RHOT2: variants seen among roughly 807,000 people sequenced by gnomAD.
RHOT2 encodes ras homolog family member T2.
A neutral mutation model predicts 81.6 loss-of-function variants in RHOT2; 90 were observed. That is an observed-to-expected ratio of 1.10 (90% CI 0.93 to 1.31). The LOEUF is 1.31. Ranked by LOEUF, RHOT2 falls within the 40% of genes most tolerant of loss-of-function variation. The probability of loss-of-function intolerance (pLI) is 0.00; values close to 1 mark genes in which losing one functional copy is unlikely to be tolerated. For synonymous variants in RHOT2, 512 were observed against 370.9 expected (o/e 1.38, Z -4.37); for missense variants, 1,014 against 841.9 (o/e 1.20, Z -2.53).
intron 4 of RHOT2, 44 bp downstream of exon 4, chr16:668,743 C>T (rs756113027): frequency 7.8e-6 from 12 of 1,544,820 alleles, no homozygotes; most frequent in East Asian, 2.4e-5. Context: ...GGCGCGGGCT[C>T]GGCCTAATCC....
chr16:668,416 G>A lies in RHOT2; in HGVS notation c.96+5G>A, dbSNP rs1378448240. 1 of 1,523,260 alleles carries A rather than the reference G, an allele frequency of 6.6e-7. No homozygotes were observed. The highest frequency in any genetic ancestry group is 1.4e-5 in the African/African-American group (1 of 70,540). 94.4% of individuals were successfully genotyped at this position (1,523,260 alleles called of 1,614,324 possible). ...GGCGAGGAGTTCCCCGAGGAGGTAA[G>A]GGGCACGCCCGCCGCGGGGGTGGGA... On this transcript the variant is annotated splice_donor_5th_base_variant and intron_variant, in intron 2 of 18. Transcript: ENST00000315082.
In RHOT2 at chr16:672,793, A is replaced by G. The variant is rs761033640; in HGVS notation, c.1495A>G (p.Lys499Glu). ...ACLMFDGSDP[K>E]SFAHCASVYK... ...CTTGATGTTTGATGGCAGTGACCCA[A>G]AGTCCTTTGCACATTGTGCCAGCGT... Residue 499 changes from lysine (K) to glutamate (E), a missense_variant, in exon 17 of 19, where the codon AAG becomes GAG. Lys to Glu is a moderately conservative substitution (Grantham distance 56). Coordinates refer to ENST00000315082, the MANE Select transcript of RHOT2 (RefSeq NM_138769.3). 5 of 1,612,646 alleles carry G rather than the reference A, an allele frequency of 3.1e-6. No homozygotes were observed. The highest frequency in any genetic ancestry group is 1.7e-5 in the Admixed American group (1 of 60,034).
intron 9 of RHOT2, 37 bp from the exon 10 acceptor site, chr16:670,855 G>A: frequency 1.3e-6 from 2 of 1,589,196 alleles, no homozygotes; most frequent in Non-Finnish European, 1.7e-6. Context: ...GTCTCCGGGT[G>A]GCTGGCTGAC....
chr16:673,170 C>T, intron 18 of RHOT2, 40 bp downstream of exon 18: 1 of 1,591,832 alleles, frequency 6.3e-7, no homozygotes, highest in Non-Finnish European at 8.6e-7. Context: ...CTAGCAGTGT[C>T]TGTCATCCGA....
In RHOT2 at chr16:673,660, G is replaced by A. The variant is rs2039331548; in HGVS notation, c.*54G>A. 8 of 1,570,832 alleles carry A rather than the reference G, an allele frequency of 5.1e-6. No individual in the cohort carries two copies. The South Asian group carries it at 9.3e-5, about 18-fold the overall frequency. ...GACCTGGGTGTGCCTCGCTGCTGGG[G>A]CTCTGCAGGGGCAGCACAGCTGGGG... On this transcript the variant is annotated 3_prime_UTR_variant, in exon 19 of 19. Transcript: ENST00000315082.
intron 5 of RHOT2, 169 bp downstream of exon 5, chr16:669,775 CCT>C (rs779791556): frequency 1.7e-4 from 120 of 698,976 alleles, no homozygotes; most frequent in Non-Finnish European, 2.8e-4. Flanking sequence ...TCCCACTTCC[CCT>C]GAGAGGGTCT....
At chr16:671,436 C>T (rs2038916939) in intron 11 of RHOT2, 2 of 707,084 alleles carry the variant, frequency 2.8e-6, no homozygotes, top group African/African-American at 1.8e-5. Flanking sequence ...CCTTTGCCAA[C>T]CCCGCTCGCG....
At position 670,873 on chromosome 16, in the gene RHOT2, A is replaced by C; in HGVS notation, c.640-19A>C. On this transcript the variant is annotated intron_variant, in intron 9 of 18. Coordinates refer to ENST00000315082, the MANE Select transcript of RHOT2 (RefSeq NM_138769.3). The stretch of plus-strand genomic sequence containing the variant: ...TCCGGGTGGCTGGCTGACTCCCAAC[A>C]ACGTTCTCTCGGAAGCAGAAATCCT... 2 of 1,584,088 alleles carry C rather than the reference A, an allele frequency of 1.3e-6. No individual in the cohort carries two copies. The highest frequency in any genetic ancestry group is 1.1e-5 in the South Asian group (1 of 89,658).
Position 672,335 on chromosome 16 carries a change from G to A in RHOT2, c.1277G>A (p.Gly426Glu), listed in dbSNP as rs747178707. Reference protein sequence around the residue: ...VLLCKVVGARGVGKSAFLQAF... With the variant: ...VLLCKVVGAREVGKSAFLQAF... ...CTGTGCAAGGTGGTAGGGGCCCGTG[G>A]AGTGGGCAAGTCTGCCTTCCTGCAG... The change falls in exon 15 of 19, where the codon GGA (glycine) becomes GAA (glutamate). Residue 426 changes from glycine to glutamate, a missense_variant. By Grantham distance (98) the Gly-to-Glu change is moderately conservative. Transcript: ENST00000315082. 1 of 1,612,162 alleles carries A rather than the reference G, an allele frequency of 6.2e-7. No individual in the cohort carries two copies. The highest frequency in any genetic ancestry group is 1.1e-5 in the South Asian group (1 of 91,022).
chr16:670,329 A>G lies in RHOT2; in HGVS notation c.410A>G (p.Gln137Arg). The G allele has an allele frequency of 6.2e-7, 1 of 1,612,888 alleles. No homozygotes were observed. The highest frequency in any genetic ancestry group is 8.5e-7 in the Non-Finnish European group (1 of 1,179,964). ...SMEAVLPIMS[Q>R]FPEIETCVEC... is the part of the protein sequence containing the mutation. ...GAGGCCGTGCTCCCCATCATGAGCC[A>G]GTTTCCCGAGATTGAGACCTGCGTG... Residue 137 changes from glutamine (Q) to arginine (R), a missense_variant, in exon 7 of 19, where the codon CAG becomes CGG. Transcript: ENST00000315082.
Position 670,278 on chromosome 16 carries a change from C to T in RHOT2, c.359C>T (p.Ser120Leu). The stretch of plus-strand genomic sequence containing the variant: ...CCCATCATCCTAGTGGGCAACAAGT[C>T]AGACCTGCGGTCGGGGAGCTCCATG... ...RVPIILVGNKSDLRSGSSMEA... is the reference protein window; with the variant it reads ...RVPIILVGNKLDLRSGSSMEA... Residue 120 changes from serine to leucine, a missense_variant, in exon 7 of 19, where the codon TCA becomes TTA. By Grantham distance (145) the Ser-to-Leu change is moderately radical. Coordinates refer to ENST00000315082, the MANE Select transcript of RHOT2 (RefSeq NM_138769.3). 3 of 1,612,762 alleles carry T rather than the reference C, an allele frequency of 1.9e-6. No individual in the cohort carries two copies. Among genetic ancestry groups the T allele is most frequent in the Non-Finnish European group, 2.5e-6 (3 of 1,179,958 alleles).
At position 673,661 on chromosome 16, in the gene RHOT2, C is replaced by G. The variant is rs1221250021; in HGVS notation, c.*55C>G. On this transcript the variant is annotated 3_prime_UTR_variant, in exon 19 of 19. Coordinates refer to ENST00000315082, the MANE Select transcript of RHOT2 (RefSeq NM_138769.3). ...ACCTGGGTGTGCCTCGCTGCTGGGG[C>G]TCTGCAGGGGCAGCACAGCTGGGGT... The G allele has an allele frequency of 1.3e-6, 2 of 1,570,452 alleles. No homozygotes were observed. Among genetic ancestry groups the G allele is most frequent in the Non-Finnish European group, 1.7e-6 (2 of 1,161,198 alleles).
rs1433323115 is a variant in RHOT2 at position 668,573 on chromosome 16, G to T, written c.178+4G>T. The T allele has an allele frequency of 3.7e-6, 6 of 1,610,748 alleles. No individual in the cohort carries two copies. The highest frequency in any genetic ancestry group is 5.1e-6 in the Non-Finnish European group (6 of 1,179,130). ...ACCCACATCGTGGACTACTCAGGTA[G>T]CGGCCGTAGCCTCCCGGGGGCCCGG... On this transcript the variant is annotated splice_donor_region_variant and intron_variant, in intron 3 of 18. Transcript: ENST00000315082.
At position 673,800 on chromosome 16, in the gene RHOT2, A is replaced by T; in HGVS notation, c.*194A>T. ...CATGCACTGCCCTGGCTCCTGCCGGACCCCCAGGGTGGGCCGTGGCAGGTG... is the reference window on the plus strand; with the variant it reads ...CATGCACTGCCCTGGCTCCTGCCGGTCCCCCAGGGTGGGCCGTGGCAGGTG... On this transcript the variant is annotated 3_prime_UTR_variant, in exon 19 of 19. Transcript: ENST00000315082. The T allele has an allele frequency of 1.4e-6, 1 of 738,042 alleles. No homozygotes were observed. The highest frequency in any genetic ancestry group is 2.1e-6 in the Non-Finnish European group (1 of 465,388). The allele number at this position is 738,042 out of a possible 1,614,324, so 45.7% of individuals were successfully genotyped here.
At position 673,760 on chromosome 16, in the gene RHOT2, G is replaced by C; in HGVS notation, c.*154G>C. On this transcript the variant is annotated 3_prime_UTR_variant, in exon 19 of 19. Coordinates refer to ENST00000315082, the MANE Select transcript of RHOT2 (RefSeq NM_138769.3). ...TTTCTGAAGGCAGTCGATCTGCAGC[G>C]GGGCCTTATGCTGCCATGCACTGCC... 1.1e-6 allele frequency: 1 copy of C among 931,402 alleles called. No individual in the cohort carries two copies. Among genetic ancestry groups the C allele is most frequent in the Non-Finnish European group, 1.6e-6 (1 of 634,952 alleles). 57.7% of individuals were successfully genotyped at this position (931,402 alleles called of 1,614,324 possible).
At chr16:669,298 G>T in intron 4 of RHOT2, 2 of 569,508 alleles carry the variant, frequency 3.5e-6, no homozygotes, top group Non-Finnish European at 6.3e-6. Context: ...TCCCTGCACT[G>T]GCAGTGGGCG....
chr16:670,512 C>T lies in RHOT2; in HGVS notation c.495C>T (p.Ala165=), dbSNP rs753665212. The change falls in exon 8 of 19, where the codon GCC becomes GCT. Residue 165 remains alanine, a synonymous_variant. Transcript: ENST00000315082. ...ISELFYYAQK[A]VLHPTAPLYD... is the part of the protein sequence containing the mutation. ...AGCTGTTCTACTACGCCCAGAAGGC[C>T]GTCCTGCATCCCACAGCCCCCCTCT... The T allele has an allele frequency of 6.2e-6, 10 of 1,608,270 alleles. No individual in the cohort carries two copies. The highest frequency in any genetic ancestry group is 2.2e-5 in the East Asian group (1 of 44,862).
rs2039360509 is a variant in RHOT2, at chr16:673,951, C to T, written c.*345C>T. On this transcript the variant is annotated 3_prime_UTR_variant, in exon 19 of 19. Coordinates refer to ENST00000315082, the MANE Select transcript of RHOT2 (RefSeq NM_138769.3). ...GACCCCAGACCCAGAATTCTCAGGGCTCTACCCCCCTTTCCTGGTCCTAGG... is the reference window on the plus strand; with the variant it reads ...GACCCCAGACCCAGAATTCTCAGGGTTCTACCCCCCTTTCCTGGTCCTAGG... The T allele has an allele frequency of 7.8e-6, 4 of 514,752 alleles. No individual in the cohort carries two copies. The East Asian group carries it at 2.0e-4, about 25-fold the overall frequency. The allele number at this position is 514,752 out of a possible 1,614,324, so 31.9% of individuals were successfully genotyped here. A position where few individuals can be genotyped will look rare whatever the true frequency, so the allele number is the denominator to read the frequency against.
chr16:671,804 G>GCCCCTC (rs2151476535), intron 12 of RHOT2, 23 bp downstream of exon 12: 1 of 1,592,508 alleles, frequency 6.3e-7, no homozygotes, highest in South Asian at 1.1e-5. Context: ...CGAGTCCCCT[G>GCCCCTC]CCCCTGCCCC....
Sources: allele counts gnomAD v4.1 joint callset, GRCh38; gene constraint gnomAD v4.1.1; transcripts MANE v1.5; gene names NCBI Gene and HGNC (gene_info 2026-07-23, HGNC 2026-07-21).